The following SPATS2 variants were observed in gnomAD, a reference collection of about 807,000 sequenced individuals.
SPATS2 encodes spermatogenesis-associated serine-rich protein 2.
A neutral mutation model predicts 63.7 loss-of-function variants in SPATS2; 38 were observed. The observed-to-expected ratio is 0.60, with a 90% CI of 0.46 to 0.78. The LOEUF is 0.78. Ranked by LOEUF, SPATS2 falls within the 30% of genes least tolerant of loss-of-function variation. SPATS2 has a pLI of 0.00. For synonymous variants in SPATS2, 207 were observed against 232.9 expected, an observed-to-expected ratio of 0.89 and a Z score of 1.01; for missense variants, 588 against 666.2, an observed-to-expected ratio of 0.88 and a Z score of 1.29.
Position 49,496,968 on chromosome 12 carries a change from T to C in SPATS2, c.662T>C (p.Met221Thr). 1 of 1,600,108 alleles carries C rather than the reference T, an allele frequency of 6.2e-7. No individual in the cohort carries two copies. Reference sequence around the variant, plus strand: ...ACCACAGAAACTCAGTTTTCAAATATGGGGATGGAAGATGTTCCCCTCGCC... The same window carrying C: ...ACCACAGAAACTCAGTTTTCAAATACGGGGATGGAAGATGTTCCCCTCGCC... ...RPTTETQFSN[M>T]GMEDVPLATS... The change falls in exon 8 of 14, where the codon ATG (methionine) becomes ACG (threonine). Residue 221 changes from methionine (M) to threonine (T), a missense_variant. Physicochemically the swap from Met to Thr is moderately conservative, Grantham distance 81 (BLOSUM62 -1). Coordinates refer to ENST00000552918, the MANE Select transcript of SPATS2 (RefSeq NM_023071.4).
chr12:49,514,542 C>T lies in SPATS2; in HGVS notation c.840-13C>T. Reference sequence around the variant, plus strand: ...CTGATCAAACTTTTTATTCCTTTGTCATCTTTTCCTAGTTTAATGGATCGA... The same window carrying T: ...CTGATCAAACTTTTTATTCCTTTGTTATCTTTTCCTAGTTTAATGGATCGA... On this transcript the variant is annotated splice_polypyrimidine_tract_variant and intron_variant, in intron 9 of 13. Transcript: ENST00000552918. 5.0e-6 allele frequency: 8 copies of T among 1,610,338 alleles called. No homozygotes were observed. Among genetic ancestry groups the T allele is most frequent in the Non-Finnish European group, 6.8e-6 (8 of 1,178,382 alleles).
In SPATS2 at chr12:49,510,028, G is replaced by A. The variant is rs909979007; in HGVS notation, c.840-4527G>A. Among the ~76,000 whole-genome samples, 5 of 151,752 alleles carry A rather than the reference G, an allele frequency of 3.3e-5. No individual in the cohort carries two copies. The East Asian group carries it at 7.8e-4, about 24-fold the overall frequency. ...TCCCAGCACTTTGGGAGGCCAAGGC[G>A]AGAGAATCAGTTGAAACCAGGAGCT... is the stretch of plus-strand genomic sequence containing the variant. On this transcript the variant is annotated intron_variant, in intron 9 of 13. Transcript: ENST00000552918.
intron 4 of SPATS2, among the ~76,000 whole-genome samples, chr12:49,488,478 G>A (rs1477291545): frequency 6.6e-6 from 1 of 151,958 alleles, no homozygotes; most frequent in Non-Finnish European, 1.5e-5. Context: ...GGCCAACATA[G>A]CAAAACCCCA....
At chr12:49,371,923 A>C (rs1944004642) in intron 2 of SPATS2, among the ~76,000 whole-genome samples, 1 of 148,998 alleles carries the variant, frequency 6.7e-6, no homozygotes, top group Admixed American at 6.8e-5. Context: ...GTGGTGACAC[A>C]GATCCAAACT....
chr12:49,400,966 A>G (rs1212105748), intron 2 of SPATS2, among the ~76,000 whole-genome samples: 1 of 152,114 alleles, frequency 6.6e-6, no homozygotes, highest in Non-Finnish European at 1.5e-5. Flanking sequence ...TCAACCTCCC[A>G]GGCTCAAGTG....
intron 2 of SPATS2, among the ~76,000 whole-genome samples, chr12:49,400,099 A>G (rs547703034): frequency 6.6e-6 from 1 of 152,340 alleles, no homozygotes; most frequent in East Asian, 1.9e-4. Flanking sequence ...TGTGAACAAA[A>G]CAGACCTCTC....
intron 2 of SPATS2, among the ~76,000 whole-genome samples, chr12:49,398,792 T>C (rs1423649894): frequency 6.6e-6 from 1 of 152,206 alleles, no homozygotes; most frequent in East Asian, 1.9e-4. Flanking sequence ...ATGATTTGAG[T>C]TAAACAGCTC....
chr12:49,470,221 G>A (rs772018046), intron 3 of SPATS2, among the ~76,000 whole-genome samples: 3 of 152,052 alleles, frequency 2.0e-5, no homozygotes, highest in Middle Eastern at 3.4e-3. Context: ...TAGTAGAGAC[G>A]GGTTTTCATC....
chr12:49,480,012 A>C (rs911930150), intron 3 of SPATS2, among the ~76,000 whole-genome samples: 5 of 152,198 alleles, frequency 3.3e-5, no homozygotes, highest in African/African-American at 1.2e-4. Context: ...ATATTCTGGG[A>C]GGGATTATAA....
intron 11 of SPATS2, among the ~76,000 whole-genome samples, chr12:49,520,725 T>C (rs1946927270): frequency 6.6e-6 from 1 of 151,814 alleles, no homozygotes; most frequent in Non-Finnish European, 1.5e-5. Flanking sequence ...TATACCTTTT[T>C]AATTTTTTTT....
intron 3 of SPATS2, among the ~76,000 whole-genome samples, chr12:49,467,806 C>G (rs913991363): frequency 2.6e-5 from 4 of 152,080 alleles, no homozygotes; most frequent in Non-Finnish European, 5.9e-5. Context: ...TGGGTCTATG[C>G]CATTCTCCTG....
Position 49,460,873 on chromosome 12 carries a change from G to A in SPATS2, c.-140G>A, listed in dbSNP as rs1945809641. The stretch of plus-strand genomic sequence containing the variant: ...ATTAACAGCTAGTGAGCAGAATTTC[G>A]AACAGCAGGATTTCGTATTTTTTGC... On this transcript the variant is annotated 5_prime_UTR_variant, in exon 3 of 14. Transcript: ENST00000552918. 4 of 809,540 alleles carry A rather than the reference G, an allele frequency of 4.9e-6. No homozygotes were observed. The highest frequency in any genetic ancestry group is 5.5e-5 in the East Asian group (2 of 36,640). The allele number at this position is 809,540 out of a possible 1,614,324, so 50.1% of individuals were successfully genotyped here.
At chr12:49,436,245 G>A (rs1447953900) in intron 2 of SPATS2, among the ~76,000 whole-genome samples, 7 of 148,476 alleles carry the variant, frequency 4.7e-5, no homozygotes, top group Non-Finnish European at 9.0e-5. Flanking sequence ...CTCACCTCCC[G>A]GACGGGGCGG....
At chr12:49,519,262 T>A (rs1362564958) in intron 11 of SPATS2, 80 bp downstream of exon 11, 12 of 1,108,158 alleles carry the variant, frequency 1.1e-5, no homozygotes, top group Non-Finnish European at 1.6e-5. Flanking sequence ...CATGGCCATA[T>A]CTAATATATT....
intron 2 of SPATS2, among the ~76,000 whole-genome samples, chr12:49,376,628 C>T (rs1304290593): frequency 6.6e-6 from 1 of 151,804 alleles, no homozygotes; most frequent in East Asian, 1.9e-4. Context: ...AATTCCTGGC[C>T]TCAAGCAGTC....
At chr12:49,411,890 T>C (rs1944803418) in intron 2 of SPATS2, among the ~76,000 whole-genome samples, 1 of 152,188 alleles carries the variant, frequency 6.6e-6, no homozygotes, top group Admixed American at 6.5e-5. Context: ...TCTACAGAAG[T>C]TGGGCTTAAC....
intron 2 of SPATS2, among the ~76,000 whole-genome samples, chr12:49,413,469 C>T (rs761469378): frequency 1.3e-5 from 2 of 151,976 alleles, no homozygotes; most frequent in Admixed American, 6.6e-5. Flanking sequence ...AAGTGATCCT[C>T]CTGCCTCAGC....
At chr12:49,377,506 A>T (rs1944129677) in intron 2 of SPATS2, among the ~76,000 whole-genome samples, 1 of 152,184 alleles carries the variant, frequency 6.6e-6, no homozygotes, top group Non-Finnish European at 1.5e-5. Flanking sequence ...TACATTTTTC[A>T]TTGGGCAGTA....
At chr12:49,419,884 A>G (rs903278504) in intron 2 of SPATS2, among the ~76,000 whole-genome samples, 1 of 130,472 alleles carries the variant, frequency 7.7e-6, no homozygotes, top group African/African-American at 3.8e-5. Context: ...TTATGAAAAC[A>G]TACTGTTTTA....
Sources: allele counts gnomAD v4.1 joint callset (sites outside exome capture counted in the v4.1 genomes callset), GRCh38; gene constraint gnomAD v4.1.1; transcripts MANE v1.5; gene names NCBI Gene and HGNC (gene_info 2026-07-23, HGNC 2026-07-21).